The following COQ8A variants were observed in gnomAD, a reference collection of about 807,000 sequenced individuals.
COQ8A encodes atypical kinase COQ8A, mitochondrial.
A neutral mutation model predicts 65.0 loss-of-function variants in COQ8A; 51 were observed. That is an observed-to-expected ratio of 0.78 (90% CI 0.63 to 0.99). The LOEUF is 0.99. Among genes scored for constraint, COQ8A ranks in the 50% least tolerant of loss-of-function variants. The pLI, the probability that COQ8A is intolerant of heterozygous loss-of-function variation, is 0.00. For synonymous variants in COQ8A, 371 were observed against 353.2 expected (o/e 1.05, Z -0.57); for missense variants, 940 against 875.0 (o/e 1.07, Z -0.94).
At chr1:226,960,275 G>GTGGTA (rs1658092116) in intron 1 of COQ8A, among the ~76,000 whole-genome samples, 2 of 99,404 alleles carry the variant, frequency 2.0e-5, no homozygotes, top group African/African-American at 4.1e-5. Flanking sequence ...GTACTTGGTG[G>GTGGTA]CGGTGGTACT....
intron 4 of COQ8A, among the ~76,000 whole-genome samples, chr1:226,973,235 A>G (rs1480850955): frequency 3.3e-5 from 5 of 152,224 alleles, no homozygotes; most frequent in African/African-American, 1.2e-4. Context: ...TTCTAGATCC[A>G]AGAGTTCTGC....
chr1:226,965,307 T>A lies in COQ8A; in HGVS notation c.485T>A (p.Phe162Tyr). 1.2e-6 allele frequency: 2 copies of A among 1,613,870 alleles called. No individual in the cohort carries two copies. Among genetic ancestry groups the A allele is most frequent in the Non-Finnish European group, 1.7e-6 (2 of 1,179,998 alleles). ...TCTGCCATGGGCTTTCAGCGAAGGT[T>A]CTTCCACCAGGACCAATCCCCTGTT... ...SFSAMGFQRR[F>Y]FHQDQSPVGG... The change falls in exon 3 of 15, where the codon TTC becomes TAC. Residue 162 changes from phenylalanine to tyrosine, a missense_variant. Phe to Tyr is a conservative substitution (Grantham distance 22, BLOSUM62 3). Coordinates refer to ENST00000366777, the MANE Select transcript of COQ8A (RefSeq NM_020247.5).
In COQ8A at chr1:226,965,145, G is replaced by A; in HGVS notation, c.323G>A (p.Gly108Asp). Residue 108 changes from glycine (G) to aspartate (D), a missense_variant, in exon 3 of 15, where the codon GGT becomes GAT. Gly to Asp is a moderately conservative substitution (Grantham distance 94, BLOSUM62 -1). Coordinates refer to ENST00000366777, the MANE Select transcript of COQ8A (RefSeq NM_020247.5). ...APDQSAPPSL[G>D]HAHSEGPAPA... ...GACCAGTCAGCGCCCCCATCCCTGG[G>A]TCATGCCCACAGCGAGGGCCCAGCT... The A allele has an allele frequency of 6.2e-7, 1 of 1,613,940 alleles. No homozygotes were observed. The highest frequency in any genetic ancestry group is 8.5e-7 in the Non-Finnish European group (1 of 1,180,042).
In COQ8A at chr1:226,957,279, C is replaced by T. The variant is rs1657850622; in HGVS notation, c.-9-4098C>T. Among the ~76,000 whole-genome samples the T allele has an allele frequency of 6.8e-5, 7 of 102,462 alleles. No individual in the cohort carries two copies. The South Asian group carries it at 2.4e-3, about 35-fold the overall frequency. The allele number at this position is 102,462 out of a possible 152,430, so 67.2% of individuals were successfully genotyped here. A position where few individuals can be genotyped will look rare whatever the true frequency, so the allele number is the denominator to read the frequency against. On this transcript the variant is annotated intron_variant, in intron 1 of 14. Transcript: ENST00000366777. ...CTACTCTCCCAGATTCACACTCTCC[C>T]TGCCCCCCCCCCCCCACCTCCCTGG...
rs538203578 is a variant in COQ8A at position 226,961,437 on chromosome 1, C to A, written c.52C>A (p.Leu18Met). ...CATGGTGGCTAAAGGCCTTGTCAAG[C>A]TGACCCAGGCGGCCGTGGAAACCCA... ...TIMVAKGLVK[L>M]TQAAVETHLQ... Residue 18 changes from leucine (L) to methionine (M), a missense_variant, in exon 2 of 15, where the codon CTG becomes ATG. Transcript: ENST00000366777. 1.9e-6 allele frequency: 3 copies of A among 1,613,814 alleles called. No homozygotes were observed. In the South Asian group the frequency reaches 3.3e-5, roughly 18 times the overall value.
chr1:226,944,692 TGAGAGAGAGAGAGAGAGAGAGA>T (rs1174520293), intron 1 of COQ8A, among the ~76,000 whole-genome samples: 1,445 of 86,688 alleles, frequency 0.017, 67 homozygotes, highest in African/African-American at 0.064. Context: ...AGTTGTACCC[TGAGAGAGAGAGAGAGAGAGAGA>T]GAGAGAGAGA....
At chr1:226,970,514 A>G (rs138320474) in intron 4 of COQ8A, among the ~76,000 whole-genome samples, 2 of 152,364 alleles carry the variant, frequency 1.3e-5, no homozygotes, top group East Asian at 1.9e-4. Flanking sequence ...GATACAATCT[A>G]TCACTGTCGT....
chr1:226,976,120 CT>C (rs1558198502), intron 4 of COQ8A, among the ~76,000 whole-genome samples: 45 of 143,554 alleles, frequency 3.1e-4, no homozygotes, highest in Admixed American at 5.6e-4. Context: ...GCGATGTTGC[CT>C]GGCTGTGGGG....
intron 4 of COQ8A, among the ~76,000 whole-genome samples, chr1:226,967,626 G>T (rs1427384824): frequency 6.6e-6 from 1 of 152,234 alleles, no homozygotes; most frequent in Non-Finnish European, 1.5e-5. Context: ...GTTATATATA[G>T]GAAGATGTGT....
intron 5 of COQ8A, among the ~76,000 whole-genome samples, chr1:226,978,111 A>G (rs1659371282): frequency 1.4e-5 from 2 of 139,418 alleles, no homozygotes. Context: ...CACACGTCAC[A>G]CACCCCCTGC....
At chr1:226,971,840 G>A (rs941040789) in intron 4 of COQ8A, among the ~76,000 whole-genome samples, 3 of 152,068 alleles carry the variant, frequency 2.0e-5, no homozygotes, top group African/African-American at 7.2e-5. Flanking sequence ...GGTTTGCTTT[G>A]TATTTATTCT....
chr1:226,986,912 G>C lies in COQ8A; in HGVS notation c.*175G>C. 1 of 761,000 alleles carries C rather than the reference G, an allele frequency of 1.3e-6. No homozygotes were observed. The highest frequency in any genetic ancestry group is 2.1e-6 in the Non-Finnish European group (1 of 472,428). The allele number at this position is 761,000 out of a possible 1,614,324, so 47.1% of individuals were successfully genotyped here. Reference sequence around the variant, plus strand: ...CGGTTTCTGTTGCTAAATGGTTGTAGGGTGAGAAGTGCAAGAATGAAGATG... The same window carrying C: ...CGGTTTCTGTTGCTAAATGGTTGTACGGTGAGAAGTGCAAGAATGAAGATG... On this transcript the variant is annotated 3_prime_UTR_variant, in exon 15 of 15. Transcript: ENST00000366777.
At chr1:226,951,900 G>C (rs1657412513) in intron 1 of COQ8A, among the ~76,000 whole-genome samples, 1 of 152,170 alleles carries the variant, frequency 6.6e-6, no homozygotes, top group Non-Finnish European at 1.5e-5. Context: ...GCAAGCAGTA[G>C]GACTGGATTT....
intron 4 of COQ8A, 58 bp downstream of exon 4, chr1:226,965,795 C>A: frequency 1.9e-6 from 3 of 1,562,622 alleles, no homozygotes; most frequent in Non-Finnish European, 2.6e-6. Flanking sequence ...CACCACGCTG[C>A]GGCCTGCATG....
intron 10 of COQ8A, 49 bp from the exon 11 acceptor site, chr1:226,984,045 A>T: frequency 6.9e-7 from 1 of 1,451,080 alleles, no homozygotes; most frequent in Non-Finnish European, 9.5e-7. Context: ...GGGGGGGGGG[A>T]CGGTGTGGAG....
chr1:226,986,457 T>C lies in COQ8A; in HGVS notation c.1664T>C (p.Met555Thr). ...KFLTGYEVKV[M>T]EDAHLDAILI... ...ATCCTTCCTCTCTTGCCCCAGGTCA[T>C]GGAAGACGCCCACTTGGATGCCATC... The change falls in exon 15 of 15, where the codon ATG (methionine) becomes ACG (threonine). Residue 555 changes from methionine to threonine, a missense_variant. Coordinates refer to ENST00000366777, the MANE Select transcript of COQ8A (RefSeq NM_020247.5). 6.2e-7 allele frequency: 1 copy of C among 1,612,378 alleles called. No individual in the cohort carries two copies. Among genetic ancestry groups the C allele is most frequent in the South Asian group, 1.1e-5 (1 of 91,078 alleles).
chr1:226,968,042 A>C (rs551087409), intron 4 of COQ8A, among the ~76,000 whole-genome samples: 2 of 152,318 alleles, frequency 1.3e-5, no homozygotes, highest in Admixed American at 1.3e-4. Flanking sequence ...AATTTAATGC[A>C]TCAGGATCAG....
rs1046215592 is a variant in COQ8A at position 226,986,847 on chromosome 1, G to T, written c.*110G>T. On this transcript the variant is annotated 3_prime_UTR_variant, in exon 15 of 15. Transcript: ENST00000366777. ...TCTTTTTAACTCCTTTGCCCAATAA[G>T]GGGGGTGGCTGCCTGGAGCCCCGTA... 2.9e-6 allele frequency: 4 copies of T among 1,387,590 alleles called. No homozygotes were observed. The highest frequency in any genetic ancestry group is 3.9e-6 in the Non-Finnish European group (4 of 1,017,088). The allele number at this position is 1,387,590 out of a possible 1,614,324, so 86.0% of individuals were successfully genotyped here. A position where few individuals can be genotyped will look rare whatever the true frequency, so the allele number is the denominator to read the frequency against.
chr1:226,941,774 CAAAA>C (rs374191145), intron 1 of COQ8A, among the ~76,000 whole-genome samples: 3 of 81,568 alleles, frequency 3.7e-5, no homozygotes, highest in East Asian at 7.0e-4. Context: ...GACTCAATCT[CAAAA>C]AAAAAAAAAA....
Sources: gnomAD v4.1 joint callset for allele counts (sites outside exome capture counted in the v4.1 genomes callset) on GRCh38, gnomAD v4.1.1 for gene constraint, MANE v1.5 for transcripts, NCBI Gene and HGNC (gene_info 2026-07-23, HGNC 2026-07-21) for gene names.